SLIT3: variants seen among roughly 807,000 people sequenced by gnomAD.
SLIT3 encodes the protein slit guidance ligand 3, also known as slit homolog 3 protein.
Under a neutral mutation model 184.0 loss-of-function variants are expected in SLIT3, and 68 were observed. That is an observed-to-expected ratio of 0.37 (90% CI 0.30 to 0.45). The LOEUF is 0.45. SLIT3 is among the 20% of genes least tolerant of loss of function. The probability of loss-of-function intolerance (pLI) is 1.00; values close to 1 mark genes in which losing one functional copy is unlikely to be tolerated. For synonymous variants in SLIT3, 831 were observed against 828.6 expected (o/e 1.00, Z -0.05); for missense variants, 1,707 against 2,026.0 (o/e 0.84, Z 3.02).
intron 4 of SLIT3, among the ~76,000 whole-genome samples, chr5:169,086,639 A>G (rs897212975): frequency 6.6e-6 from 1 of 152,232 alleles, no homozygotes; most frequent in African/African-American, 2.4e-5. Flanking sequence ...GCATGGATTC[A>G]GTCAAGCTGG....
At chr5:169,120,468 G>C (rs921068829) in intron 4 of SLIT3, 1 of 152,174 alleles carries the variant, frequency 6.6e-6, no homozygotes, top group African/African-American at 2.4e-5. Flanking sequence ...AAGGAATGTA[G>C]GTGGACTCTA....
At chr5:168,932,889 CTG>C (rs1248008912) in intron 4 of SLIT3, among the ~76,000 whole-genome samples, 3 of 152,234 alleles carry the variant, frequency 2.0e-5, no homozygotes, top group Non-Finnish European at 2.9e-5. Flanking sequence ...GTGTGGTAGT[CTG>C]GCCCATAGAA....
At chr5:169,106,390 G>A (rs1458607050) in intron 4 of SLIT3, among the ~76,000 whole-genome samples, 1 of 152,184 alleles carries the variant, frequency 6.6e-6, no homozygotes, top group African/African-American at 2.4e-5. Flanking sequence ...CCAAAGGCAT[G>A]AAAGGGGAGG....
At chr5:168,735,287 T>C (rs1254693000) in intron 20 of SLIT3, among the ~76,000 whole-genome samples, 1 of 152,158 alleles carries the variant, frequency 6.6e-6, no homozygotes, top group African/African-American at 2.4e-5. Context: ...TTTGGGGTGC[T>C]GACTGATGCC....
intron 20 of SLIT3, among the ~76,000 whole-genome samples, chr5:168,741,992 T>C (rs1345176596): frequency 7.5e-5 from 9 of 119,708 alleles, no homozygotes; most frequent in Non-Finnish European, 1.2e-4. Flanking sequence ...TCCTCTTAAC[T>C]TGTGCTTCCA....
chr5:168,701,240 T>C (rs886704866), intron 26 of SLIT3, among the ~76,000 whole-genome samples: 1 of 152,222 alleles, frequency 6.6e-6, no homozygotes, highest in Non-Finnish European at 1.5e-5. Flanking sequence ...TCACTGAACC[T>C]TAAATATAAC....
intron 4 of SLIT3, among the ~76,000 whole-genome samples, chr5:169,061,715 A>T (rs1357141055): frequency 1.3e-5 from 2 of 152,250 alleles, no homozygotes; most frequent in African/African-American, 2.4e-5. Flanking sequence ...GGCCTGGACT[A>T]GGACAACGAT....
chr5:168,793,346 G>A (rs747200783), intron 10 of SLIT3, among the ~76,000 whole-genome samples: 37 of 152,110 alleles, frequency 2.4e-4, no homozygotes, highest in Admixed American at 5.9e-4. Context: ...AACTGGTCAC[G>A]TATATTTAGG....
chr5:168,778,449 G>A (rs541332624), intron 12 of SLIT3, among the ~76,000 whole-genome samples: 1 of 152,324 alleles, frequency 6.6e-6, no homozygotes, highest in South Asian at 2.1e-4. Flanking sequence ...GTATGCTTCA[G>A]ATGGACAAAG....
rs1760978640 is a variant in SLIT3, at chr5:168,664,632, C to G, written c.*1822G>C. 2 of 152,172 alleles carry G rather than the reference C, an allele frequency of 1.3e-5. No homozygotes were observed. The allele number at this position is 152,172 out of a possible 1,614,324, so 9.4% of individuals were successfully genotyped here. On this transcript the variant is annotated 3_prime_UTR_variant, in exon 36 of 36. Transcript: ENST00000519560. Reference sequence around the variant, plus strand: ...TGGTACTCACAGATCAACTAGGCTCCTCTAGGGAACCTGAGGGCTGAAAGG... The same window carrying G: ...TGGTACTCACAGATCAACTAGGCTCGTCTAGGGAACCTGAGGGCTGAAAGG...
Position 168,780,736 on chromosome 5 carries a change from TC to T in SLIT3, c.1151+5170del, listed in dbSNP as rs1372108209. On this transcript the variant is annotated intron_variant, in intron 12 of 35. Transcript: ENST00000519560. The stretch of plus-strand genomic sequence containing the variant: ...CTTTTTATTTCTCTAGTATTAACCC[TC>T]TGTCATCCTGAATTTCTTTATCCAT... Among the ~76,000 whole-genome samples the T allele has an allele frequency of 2.0e-5, 3 of 152,324 alleles. No homozygotes were observed. The East Asian group carries it at 5.8e-4, about 29-fold the overall frequency.
intron 20 of SLIT3, among the ~76,000 whole-genome samples, chr5:168,726,545 G>C (rs1488183316): frequency 2.1e-5 from 2 of 94,386 alleles, no homozygotes; most frequent in East Asian, 3.7e-4. Context: ...GGAGGGGAGG[G>C]AGGGAGGCAG....
intron 4 of SLIT3, among the ~76,000 whole-genome samples, chr5:169,166,284 T>C (rs1280066548): frequency 6.6e-6 from 1 of 152,132 alleles, no homozygotes; most frequent in Non-Finnish European, 1.5e-5. Flanking sequence ...ATGTTCTTAA[T>C]GAGAAAAGGG....
At chr5:168,971,261 C>T (rs1483098488) in intron 4 of SLIT3, among the ~76,000 whole-genome samples, 1 of 152,180 alleles carries the variant, frequency 6.6e-6, no homozygotes, top group Admixed American at 6.5e-5. Flanking sequence ...CTGTGACAGA[C>T]CAGTTGTCCC....
intron 4 of SLIT3, among the ~76,000 whole-genome samples, chr5:169,111,390 C>T (rs1350771795): frequency 1.3e-5 from 2 of 152,228 alleles, no homozygotes; most frequent in African/African-American, 4.8e-5. Flanking sequence ...CCATACTCAA[C>T]CATGCAGTTA....
intron 4 of SLIT3, among the ~76,000 whole-genome samples, chr5:169,106,243 A>C (rs1396072330): frequency 6.6e-6 from 1 of 152,186 alleles, no homozygotes; most frequent in East Asian, 1.9e-4. Flanking sequence ...AGAGATCAGA[A>C]TGCAGAAGCC....
At chr5:168,686,390 A>T (rs1457815494) in intron 30 of SLIT3, among the ~76,000 whole-genome samples, 1 of 152,230 alleles carries the variant, frequency 6.6e-6, no homozygotes, top group Non-Finnish European at 1.5e-5. Context: ...CCAATGGAAC[A>T]TTGTTCAGCA....
intron 32 of SLIT3, among the ~76,000 whole-genome samples, chr5:168,677,553 A>G (rs1425109902): frequency 2.0e-5 from 3 of 152,022 alleles, no homozygotes; most frequent in Non-Finnish European, 4.4e-5. Flanking sequence ...GGTTCAAGCA[A>G]TTTTCCTGCC....
At chr5:169,196,882 G>C (rs1763759833) in intron 3 of SLIT3, among the ~76,000 whole-genome samples, 1 of 152,192 alleles carries the variant, frequency 6.6e-6, no homozygotes, top group Non-Finnish European at 1.5e-5. Flanking sequence ...AGGTCCCTAA[G>C]GCAAGAACTG....
Sources: allele counts gnomAD v4.1 joint callset (sites outside exome capture counted in the v4.1 genomes callset), GRCh38; gene constraint gnomAD v4.1.1; transcripts MANE v1.5; gene names NCBI Gene and HGNC (gene_info 2026-07-23, HGNC 2026-07-21).